The following KCNJ14 variants were observed in gnomAD, a reference collection of about 807,000 sequenced individuals.
KCNJ14 encodes the protein potassium inwardly rectifying channel subfamily J member 14.
KCNJ14 carries 18 observed loss-of-function variants against 24.5 expected under a neutral mutation model. That is an observed-to-expected ratio of 0.74 (90% confidence interval 0.51 to 1.09). The LOEUF (loss-of-function observed/expected upper bound fraction) is 1.09, where lower values mean the gene tolerates loss of function less well. KCNJ14 is among the 50% of genes least tolerant of loss of function. The pLI, the probability that KCNJ14 is intolerant of heterozygous loss-of-function variation, is 0.00. For missense variants in KCNJ14, 633 were observed against 623.0 expected (o/e 1.02, Z -0.17); for synonymous variants, 288 against 270.8 (o/e 1.06, Z -0.63).
At position 48,462,405 on chromosome 19, in the gene KCNJ14, G is replaced by A. The variant is rs1185603568; in HGVS notation, c.681G>A (p.Leu227=). The A allele has an allele frequency of 1.3e-6, 2 of 1,508,614 alleles. No individual in the cohort carries two copies. Among genetic ancestry groups the A allele is most frequent in the Admixed American group, 2.1e-5 (1 of 47,520 alleles). The allele number at this position is 1,508,614 out of a possible 1,614,324, so 93.5% of individuals were successfully genotyped here. ...WRVGNLRRSH[L]VEAHVRAQLL... ...TCGGCAACCTGCGCCGCAGCCACCT[G>A]GTCGAGGCCCACGTGCGTGCCCAGC... Residue 227 remains leucine, a synonymous_variant, in exon 2 of 3, where the codon CTG becomes CTA. Coordinates refer to ENST00000342291, the MANE Select transcript of KCNJ14 (RefSeq NM_013348.4). This position sits in a 1 kb window ranked among gnomAD's most constrained non-coding sequence, Gnocchi z 4.9.
intron 1 of KCNJ14, chr19:48,456,215 C>T (rs1971538444): frequency 1.3e-5 from 2 of 152,392 alleles, no homozygotes; most frequent in South Asian, 4.1e-4. Flanking sequence ...CCCCCCCAGC[C>T]CACGGGGGTG....
chr19:48,461,789 G>A lies in KCNJ14; in HGVS notation c.65G>A (p.Gly22Asp). 1 of 1,463,624 alleles carries A rather than the reference G, an allele frequency of 6.8e-7. No homozygotes were observed. The highest frequency in any genetic ancestry group is 1.4e-5 in the African/African-American group (1 of 69,638). The allele number at this position is 1,463,624 out of a possible 1,614,324, so 90.7% of individuals were successfully genotyped here. ...GALDSGDSRA[G>D]DEEEAGPGLC... ...CTGGATTCGGGAGACAGCCGGGCGG[G>A]CGATGAAGAGGAGGCCGGGCCCGGG... The change falls in exon 2 of 3, where the codon GGC (glycine) becomes GAC (aspartate). Residue 22 changes from glycine (G) to aspartate (D), a missense_variant. Transcript: ENST00000342291.
chr19:48,464,370 A>G lies in KCNJ14; in HGVS notation c.904A>G (p.Ile302Val). 6.2e-7 allele frequency: 1 copy of G among 1,613,114 alleles called. No homozygotes were observed. The highest frequency in any genetic ancestry group is 1.3e-5 in the African/African-American group (1 of 75,006). Reference protein sequence around the residue: ...LARADFELVVILEGMVEATAM... With the variant: ...LARADFELVVVLEGMVEATAM... ...CAGGGCTGACTTTGAGCTGGTGGTC[A>G]TTCTCGAGGGGATGGTTGAGGCCAC... The change falls in exon 3 of 3, where the codon ATT becomes GTT. Residue 302 changes from isoleucine (I) to valine (V), a missense_variant. Transcript: ENST00000342291.
intron 1 of KCNJ14, 58 bp from the exon 2 acceptor site, chr19:48,461,612 G>A (rs1971598096): frequency 3.7e-6 from 2 of 542,684 alleles, no homozygotes; most frequent in Non-Finnish European, 6.0e-6. Context: ...AGCATGCTTG[G>A]CCGATGAGCT....
chr19:48,461,806 G>C lies in KCNJ14; in HGVS notation c.82G>C (p.Gly28Arg), dbSNP rs372167924. The C allele has an allele frequency of 1.9e-3, 2,860 of 1,480,800 alleles. 4 individuals carry two copies. Among genetic ancestry groups the C allele is most frequent in the Non-Finnish European group, 2.4e-3 (2,708 of 1,118,630 alleles). The allele number at this position is 1,480,800 out of a possible 1,614,324, so 91.7% of individuals were successfully genotyped here. ...CCGGGCGGGCGATGAAGAGGAGGCCGGGCCCGGGTTGTGCCGCAACGGGTG... is the reference window on the plus strand; with the variant it reads ...CCGGGCGGGCGATGAAGAGGAGGCCCGGCCCGGGTTGTGCCGCAACGGGTG... ...DSRAGDEEEA[G>R]PGLCRNGWAP... Residue 28 changes from glycine (G) to arginine (R), a missense_variant, in exon 2 of 3, where the codon GGG (glycine) becomes CGG (arginine). Gly to Arg is a moderately radical substitution (Grantham distance 125). Transcript: ENST00000342291.
chr19:48,458,978 C>T (rs1470158542), intron 1 of KCNJ14, among the ~76,000 whole-genome samples: 2 of 141,970 alleles, frequency 1.4e-5, no homozygotes, highest in Non-Finnish European at 3.0e-5. Context: ...TGGTGGCTCA[C>T]GCCTGTAATC....
chr19:48,461,540 AAAAAAAAAAAT>A, intron 1 of KCNJ14, 119 bp from the exon 2 acceptor site: 2 of 390,884 alleles, frequency 5.1e-6, no homozygotes, highest in Non-Finnish European at 8.9e-6. Flanking sequence ...AAAAAAAAAA[AAAAAAAAAAAT>A]GCGTATCGTT....
chr19:48,461,689 C>T lies in KCNJ14; in HGVS notation c.-36C>T. 2 of 1,332,966 alleles carry T rather than the reference C, an allele frequency of 1.5e-6. No homozygotes were observed. The highest frequency in any genetic ancestry group is 1.9e-6 in the Non-Finnish European group (2 of 1,032,524). The allele number at this position is 1,332,966 out of a possible 1,614,324, so 82.6% of individuals were successfully genotyped here. On this transcript the variant is annotated 5_prime_UTR_variant, in exon 2 of 3. Coordinates refer to ENST00000342291, the MANE Select transcript of KCNJ14 (RefSeq NM_013348.4). ...TCCCAGCAGGTTGGGGGCGCCTGCC[C>T]CCCACTAGGCCAAGTGGAGGGGGTC...
At chr19:48,459,462 G>A (rs894934247) in intron 1 of KCNJ14, among the ~76,000 whole-genome samples, 9 of 151,972 alleles carry the variant, frequency 5.9e-5, no homozygotes, top group African/African-American at 1.9e-4. Context: ...TGGTACAGTC[G>A]TAACTCACTG....
chr19:48,462,275 T>C lies in KCNJ14; in HGVS notation c.551T>C (p.Val184Ala). 6.5e-7 allele frequency: 1 copy of C among 1,548,566 alleles called. No individual in the cohort carries two copies. The highest frequency in any genetic ancestry group is 2.4e-5 in the East Asian group (1 of 41,082). Residue 184 changes from valine (V) to alanine (A), a missense_variant, in exon 2 of 3, where the codon GTC (valine) becomes GCC (alanine). By Grantham distance (64) the Val-to-Ala change is moderately conservative (BLOSUM62 0). Transcript: ENST00000342291. This position sits in a 1 kb window ranked among gnomAD's most constrained non-coding sequence, Gnocchi z 4.9. ...CVLDAFVVGA[V>A]MAKMAKPKKR... ...CTCGACGCCTTCGTCGTGGGTGCTG[T>C]CATGGCCAAGATGGCCAAACCCAAG...
chr19:48,463,775 G>T (rs935861174), intron 2 of KCNJ14, among the ~76,000 whole-genome samples: 15 of 152,186 alleles, frequency 9.9e-5, no homozygotes, highest in Admixed American at 5.9e-4. Context: ...TTGTCGCTTT[G>T]ATTTCATCTC....
chr19:48,457,516 G>A (rs1449517714), intron 1 of KCNJ14, among the ~76,000 whole-genome samples: 3 of 152,198 alleles, frequency 2.0e-5, no homozygotes, highest in South Asian at 2.1e-4. Flanking sequence ...GGAGGAAACC[G>A]AGACTCAGAA....
rs370425889 is a variant in KCNJ14 at position 48,461,550 on chromosome 19, A to AAAAAAAAAAAAAAAAG, written c.-55-120_-55-119insAAAAAAAAAAAAAAAG. Reference sequence around the variant, plus strand: ...CTCCAAAAAAAAAAAAAAAAAAAAAATGCGTATCGTTCCACCTATTTGACA... The same window carrying AAAAAAAAAAAAAAAAG: ...CTCCAAAAAAAAAAAAAAAAAAAAAAAAAAAAAAAAAAAAAGTGCGTATCGTTCCACCTATTTGACA... On this transcript the variant is annotated intron_variant, in intron 1 of 2. Coordinates refer to ENST00000342291, the MANE Select transcript of KCNJ14 (RefSeq NM_013348.4). The AAAAAAAAAAAAAAAAG allele has an allele frequency of 3.1e-3, 1,102 of 351,286 alleles. 165 individuals carry two copies. The highest frequency in any genetic ancestry group is 0.029 in the African/African-American group (948 of 32,582). The allele number at this position is 351,286 out of a possible 1,614,324, so 21.8% of individuals were successfully genotyped here. A position where few individuals can be genotyped will look rare whatever the true frequency, so the allele number is the denominator to read the frequency against.
At chr19:48,463,553 G>A (rs186288767) in intron 2 of KCNJ14, among the ~76,000 whole-genome samples, 1 of 152,288 alleles carries the variant, frequency 6.6e-6, no homozygotes, top group East Asian at 1.9e-4. Context: ...GAATGACATG[G>A]AAGGGTTTGC....
At chr19:48,459,660 C>T (rs1385324384) in intron 1 of KCNJ14, among the ~76,000 whole-genome samples, 1 of 152,114 alleles carries the variant, frequency 6.6e-6, no homozygotes, top group Non-Finnish European at 1.5e-5. Flanking sequence ...CCTCCCAAAG[C>T]GCTAGGATAC....
chr19:48,461,886 G>A lies in KCNJ14; in HGVS notation c.162G>A (p.Lys54=), dbSNP rs777454137. The change falls in exon 2 of 3, where the codon AAG becomes AAA. Residue 54 remains lysine, a synonymous_variant. Transcript: ENST00000342291. ...PVGRRRGRFV[K]KDGHCNVRFV... Reference sequence around the variant, plus strand: ...GCCGGCGCCGCGGTCGCTTCGTCAAGAAAGACGGGCACTGCAACGTGCGTT... The same window carrying A: ...GCCGGCGCCGCGGTCGCTTCGTCAAAAAAGACGGGCACTGCAACGTGCGTT... The A allele has an allele frequency of 1.9e-6, 3 of 1,596,308 alleles. No individual in the cohort carries two copies. The highest frequency in any genetic ancestry group is 1.7e-5 in the Admixed American group (1 of 58,198).
intron 1 of KCNJ14, among the ~76,000 whole-genome samples, chr19:48,458,610 A>G (rs1277258825): frequency 1.3e-5 from 2 of 152,054 alleles, no homozygotes; most frequent in African/African-American, 4.8e-5. Flanking sequence ...GGATTTTGCC[A>G]TGTTGGCCAG....
chr19:48,456,722 G>A (rs966004799), intron 1 of KCNJ14: 2 of 152,240 alleles, frequency 1.3e-5, no homozygotes, highest in African/African-American at 2.4e-5. Flanking sequence ...AGGGCCAAGC[G>A]TTTGGTAACG....
chr19:48,458,611 T>C (rs370626482), intron 1 of KCNJ14, among the ~76,000 whole-genome samples: 2 of 152,108 alleles, frequency 1.3e-5, no homozygotes, highest in East Asian at 3.9e-4. Context: ...GATTTTGCCA[T>C]GTTGGCCAGG....
Sources: gnomAD v4.1 joint callset for allele counts (sites outside exome capture counted in the v4.1 genomes callset) on GRCh38, gnomAD v4.1.1 for gene constraint, Gnocchi (gnomAD v3.1) non-coding constraint, MANE v1.5 for transcripts, NCBI Gene and HGNC (gene_info 2026-07-23, HGNC 2026-07-21) for gene names.